STX6: variants seen among roughly 807,000 people sequenced by gnomAD.
STX6 encodes the protein syntaxin-6.
Under a neutral mutation model 38.0 loss-of-function variants are expected in STX6, and 23 were observed. The observed-to-expected ratio is 0.60, with a 90% confidence interval of 0.43 to 0.86. The LOEUF (loss-of-function observed/expected upper bound fraction) is 0.86, where lower values mean the gene tolerates loss of function less well. STX6 is among the 40% of genes least tolerant of loss of function. The probability of loss-of-function intolerance (pLI) is 0.00; values close to 1 mark genes in which losing one functional copy is unlikely to be tolerated. For synonymous variants in STX6, 123 were observed against 107.5 expected (o/e 1.14, Z -0.89); for missense variants, 274 against 312.9 (o/e 0.88, Z 0.94).
At chr1:180,982,397 T>C (rs1238525282) in intron 7 of STX6, among the ~76,000 whole-genome samples, 3 of 152,208 alleles carry the variant, frequency 2.0e-5, no homozygotes, top group African/African-American at 7.2e-5. Context: ...CTGTCAAAAG[T>C]GAAGCACCGT....
At chr1:180,999,172 T>C (rs916273763) in intron 3 of STX6, among the ~76,000 whole-genome samples, 2 of 152,224 alleles carry the variant, frequency 1.3e-5, no homozygotes, top group African/African-American at 4.8e-5. Flanking sequence ...TTCTAACTTT[T>C]AAAGTCAGAG....
intron 3 of STX6, 127 bp downstream of exon 3, chr1:181,002,479 G>A (rs1656111673): frequency 1.7e-6 from 1 of 598,106 alleles, no homozygotes; most frequent in East Asian, 3.1e-5. Context: ...ATATGGGGAA[G>A]CTCACATTTA....
Position 180,974,039 on chromosome 1 carries a change from A to G in STX6, c.*2531T>C, listed in dbSNP as rs939898117. On this transcript the variant is annotated 3_prime_UTR_variant, in exon 8 of 8. Transcript: ENST00000258301. Reference sequence around the variant, plus strand: ...CTCTCCCATTCTAGGACACAGGGTGAAGAGACCACCTGGGTTCCCTCTAAA... The same window carrying G: ...CTCTCCCATTCTAGGACACAGGGTGGAGAGACCACCTGGGTTCCCTCTAAA... The G allele has an allele frequency of 2.0e-5, 3 of 152,202 alleles. No homozygotes were observed. The highest frequency in any genetic ancestry group is 7.2e-5 in the African/African-American group (3 of 41,456). 9.4% of individuals were successfully genotyped at this position (152,202 alleles called of 1,614,324 possible). A position where few individuals can be genotyped will look rare whatever the true frequency, so the allele number is the denominator to read the frequency against.
At chr1:180,998,907 G>A (rs574225772) in intron 3 of STX6, among the ~76,000 whole-genome samples, 1 of 152,320 alleles carries the variant, frequency 6.6e-6, no homozygotes, top group African/African-American at 2.4e-5. Context: ...TGGTTCATCT[G>A]CCAAAGGAAC....
At chr1:180,985,251 G>GA (rs149837630) in intron 6 of STX6, among the ~76,000 whole-genome samples, 4 of 152,308 alleles carry the variant, frequency 2.6e-5, no homozygotes, top group Non-Finnish European at 5.9e-5. Flanking sequence ...CAATGTGGTA[G>GA]AAACAATGCT....
rs144310455 is a variant in STX6 at position 180,995,216 on chromosome 1, C to T, written c.301-1791G>A. 1.7e-4 allele frequency among the ~76,000 whole-genome samples: 26 copies of T among 152,138 alleles called. 1 individual carries two copies. The highest frequency in any genetic ancestry group is 9.2e-4 in the Admixed American group (14 of 15,280). On this transcript the variant is annotated intron_variant, in intron 3 of 7. Coordinates refer to ENST00000258301, the MANE Select transcript of STX6 (RefSeq NM_005819.6). ...GATCTTGTGATCTGCCCACCTCGGCCGCCCAAAGTGCTGGGATTACAGGCA... is the reference window on the plus strand; with the variant it reads ...GATCTTGTGATCTGCCCACCTCGGCTGCCCAAAGTGCTGGGATTACAGGCA...
At chr1:181,006,390 T>A (rs1475661738) in intron 1 of STX6, among the ~76,000 whole-genome samples, 1 of 150,784 alleles carries the variant, frequency 6.6e-6, no homozygotes, top group Non-Finnish European at 1.5e-5. Flanking sequence ...GTTTAGAGAA[T>A]GAGACTAGGC....
Position 180,975,495 on chromosome 1 carries a change from C to G in STX6, c.*1075G>C, listed in dbSNP as rs1306139474. ...TGTCATCTTAGGGAAAAAAAAGAAC[C>G]AAGTTTACCTACACATCCTTGCCAT... is the stretch of plus-strand genomic sequence containing the variant. On this transcript the variant is annotated 3_prime_UTR_variant, in exon 8 of 8. Coordinates refer to ENST00000258301, the MANE Select transcript of STX6 (RefSeq NM_005819.6). 3 of 152,546 alleles carry G rather than the reference C, an allele frequency of 2.0e-5. No individual in the cohort carries two copies. Among genetic ancestry groups the G allele is most frequent in the African/African-American group, 4.8e-5 (2 of 41,406 alleles). 9.4% of individuals were successfully genotyped at this position (152,546 alleles called of 1,614,324 possible).
At position 181,002,647 on chromosome 1, in the gene STX6, T is replaced by C; in HGVS notation, c.259A>G (p.Ile87Val). The change falls in exon 3 of 8, where the codon ATA becomes GTA. Residue 87 changes from isoleucine (I) to valine (V), a missense_variant. Physicochemically the swap from Ile to Val is conservative, Grantham distance 29. Transcript: ENST00000258301. ...KFNLDATELS[I>V]RKAFITSTRQ... ...GTACTTGTAATGAAGGCTTTTCTTATACTCAATTCAGTTGCATCAAGGTTA... is the reference window on the plus strand; with the variant it reads ...GTACTTGTAATGAAGGCTTTTCTTACACTCAATTCAGTTGCATCAAGGTTA... 1.9e-6 allele frequency: 3 copies of C among 1,613,802 alleles called. No individual in the cohort carries two copies. The highest frequency in any genetic ancestry group is 2.5e-6 in the Non-Finnish European group (3 of 1,179,758).
chr1:180,980,225 A>AAAAC (rs1313486545), intron 7 of STX6, among the ~76,000 whole-genome samples: 1 of 147,574 alleles, frequency 6.8e-6, no homozygotes, highest in Non-Finnish European at 1.5e-5. Flanking sequence ...AAAAAAAAAC[A>AAAAC]CCATGAAAGA....
At chr1:180,988,558 T>C (rs183483880) in intron 5 of STX6, 251 of 474,664 alleles carry the variant, frequency 5.3e-4, no homozygotes, top group African/African-American at 4.7e-3. Flanking sequence ...CTGATCCAAC[T>C]TGTGAACAGT....
At position 180,976,607 on chromosome 1, in the gene STX6, A is replaced by G; in HGVS notation, c.731T>C (p.Val244Ala). 6.2e-7 allele frequency: 1 copy of G among 1,613,754 alleles called. No individual in the cohort carries two copies. Among genetic ancestry groups the G allele is most frequent in the Admixed American group, 1.7e-5 (1 of 60,016 alleles). ...GAAGAGGATGAGCACAACCAACAGG[A>G]CTGCAAAGAGGATGGCTATGGCACA... ...QWCAIAILFA[V>A]LLVVLILFLV... The change falls in exon 8 of 8, where the codon GTC becomes GCC. Residue 244 changes from valine to alanine, a missense_variant. Coordinates refer to ENST00000258301, the MANE Select transcript of STX6 (RefSeq NM_005819.6).
Position 180,991,528 on chromosome 1 carries a change from A to G in STX6, c.364-1419T>C, listed in dbSNP as rs536901517. 6.8e-4 allele frequency among the ~76,000 whole-genome samples: 104 copies of G among 152,348 alleles called. 1 individual carries two copies. The highest frequency in any genetic ancestry group is 2.2e-3 in the African/African-American group (91 of 41,584). Reference sequence around the variant, plus strand: ...GGGCCTTGTGTGCTCCTGAGGTCACAGGGCTATTTTTCCTACGTTTTCCAT... The same window carrying G: ...GGGCCTTGTGTGCTCCTGAGGTCACGGGGCTATTTTTCCTACGTTTTCCAT... On this transcript the variant is annotated intron_variant, in intron 4 of 7. Transcript: ENST00000258301.
intron 6 of STX6, among the ~76,000 whole-genome samples, chr1:180,986,205 G>A (rs1436533537): frequency 6.6e-6 from 1 of 152,096 alleles, no homozygotes; most frequent in Non-Finnish European, 1.5e-5. Context: ...ATCTATCTCA[G>A]TACCATCCAA....
intron 4 of STX6, among the ~76,000 whole-genome samples, chr1:180,990,363 G>A (rs549543247): frequency 8.5e-5 from 13 of 152,210 alleles, no homozygotes; most frequent in African/African-American, 2.9e-4. Flanking sequence ...GCAAATAAAC[G>A]TCTGCTAAAT....
At chr1:180,990,223 C>T in intron 4 of STX6, 114 bp from the exon 5 acceptor site, 1 of 1,365,324 alleles carries the variant, frequency 7.3e-7, no homozygotes, top group African/African-American at 1.4e-5. Flanking sequence ...CTATTTTCCC[C>T]TGGGCAAGGC....
intron 7 of STX6, among the ~76,000 whole-genome samples, chr1:180,978,910 G>C (rs1232440555): frequency 6.6e-6 from 1 of 152,066 alleles, no homozygotes; most frequent in East Asian, 1.9e-4. Flanking sequence ...TCAACAAAAA[G>C]GTAAAAGGCA....
At chr1:181,018,569 T>C (rs1656635712) in intron 1 of STX6, among the ~76,000 whole-genome samples, 1 of 151,920 alleles carries the variant, frequency 6.6e-6, no homozygotes, top group South Asian at 2.1e-4. Context: ...AGTTTCATTT[T>C]CCTTTTTGTG....
intron 3 of STX6, among the ~76,000 whole-genome samples, chr1:181,000,951 C>T (rs897326796): frequency 1.4e-5 from 2 of 148,108 alleles, no homozygotes; most frequent in African/African-American, 5.0e-5. Flanking sequence ...CACCTAACAA[C>T]AAGGCTTCCT....
Sources: gnomAD v4.1 joint callset for allele counts (sites outside exome capture counted in the v4.1 genomes callset) on GRCh38, gnomAD v4.1.1 for gene constraint, MANE v1.5 for transcripts, NCBI Gene and HGNC (gene_info 2026-07-23, HGNC 2026-07-21) for gene names.